The following SUMF1 variants were observed in gnomAD, a reference collection of about 807,000 sequenced individuals.
SUMF1 encodes the protein formylglycine-generating enzyme.
SUMF1 carries 48 observed loss-of-function variants against 47.6 expected under a neutral mutation model. That is an observed-to-expected ratio of 1.01 (90% CI 0.80 to 1.28). The LOEUF is 1.28. Among genes scored for constraint, SUMF1 ranks in the 50% most tolerant of loss-of-function variants. The probability of loss-of-function intolerance (pLI) is 0.00; values close to 1 mark genes in which losing one functional copy is unlikely to be tolerated. For synonymous variants in SUMF1, 230 were observed against 192.1 expected (o/e 1.20, Z -1.63); for missense variants, 571 against 485.4 (o/e 1.18, Z -1.66).
At chr3:4,252,023 C>T (rs999303958) in intron 8 of SUMF1, among the ~76,000 whole-genome samples, 4 of 152,166 alleles carry the variant, frequency 2.6e-5, no homozygotes, top group Non-Finnish European at 2.9e-5. Flanking sequence ...TTGTGCTGGT[C>T]TGAAACCAAA....
rs150006927 is a variant in SUMF1 at position 4,445,159 on chromosome 3, G to C, written c.519+4107C>G. 8.7e-3 allele frequency among the ~76,000 whole-genome samples: 1,328 copies of C among 152,254 alleles called. 22 individuals are homozygous for C. Among genetic ancestry groups the C allele is most frequent in the Middle Eastern group, 0.037 (11 of 294 alleles). ...CCAAAATAAGTGAGTTGTATCAATG[G>C]TCAGCTTTCTAGTTGTGAAACTGGA... is the stretch of plus-strand genomic sequence containing the variant. On this transcript the variant is annotated intron_variant, in intron 3 of 8. Transcript: ENST00000272902.
At chr3:4,348,767 C>T (rs148420763) in intron 8 of SUMF1, among the ~76,000 whole-genome samples, 1,634 of 151,908 alleles carry the variant, frequency 0.011, 35 homozygotes, top group African/African-American at 0.037. Flanking sequence ...CCCAGCTACT[C>T]GGGAGGCTGA....
chr3:4,051,890 G>A (rs923802317), intron 9 of SUMF1, among the ~76,000 whole-genome samples: 1 of 152,044 alleles, frequency 6.6e-6, no homozygotes, highest in African/African-American at 2.4e-5. Flanking sequence ...TCTGAGTAAG[G>A]TCAGTACTGC....
intron 9 of SUMF1, among the ~76,000 whole-genome samples, chr3:4,058,323 A>C (rs1039628396): frequency 1.1e-4 from 17 of 152,210 alleles, no homozygotes; most frequent in African/African-American, 4.1e-4. Flanking sequence ...TCCATTCTAC[A>C]GGGTCATGTA....
intron 8 of SUMF1, among the ~76,000 whole-genome samples, chr3:4,246,781 C>A (rs1482472818): frequency 6.6e-6 from 1 of 152,072 alleles, no homozygotes; most frequent in Non-Finnish European, 1.5e-5. Context: ...CAGCTCTAAC[C>A]AAGTTCCCTT....
rs367772026 is a variant in SUMF1, at chr3:4,071,325, G to A, written c.1015-2580C>T. On this transcript the variant is annotated intron_variant and NMD_transcript_variant, in intron 8 of 12. Coordinates refer to the SUMF1 transcript ENST00000448413. ...ACAGTGGGTGCAGCCCACAGAGGGC[G>A]AGCCAAAGCAGGGTGGGGCATCGCC... 3.1e-3 allele frequency among the ~76,000 whole-genome samples: 475 copies of A among 152,252 alleles called. 4 individuals carry two copies. Among genetic ancestry groups the A allele is most frequent in the African/African-American group, 0.011 (450 of 41,558 alleles).
chr3:4,186,424 G>A (rs1695202405), intron 8 of SUMF1, among the ~76,000 whole-genome samples: 1 of 152,052 alleles, frequency 6.6e-6, no homozygotes. Flanking sequence ...CCATACAGTG[G>A]CTTATCATAA....
At chr3:4,298,194 C>T (rs1228159255) in intron 8 of SUMF1, among the ~76,000 whole-genome samples, 1 of 152,108 alleles carries the variant, frequency 6.6e-6, no homozygotes, top group Admixed American at 6.5e-5. Flanking sequence ...CATTTTTCCC[C>T]ACCATCTAGC....
At chr3:4,190,954 A>G (rs1329821225) in intron 8 of SUMF1, among the ~76,000 whole-genome samples, 2 of 152,198 alleles carry the variant, frequency 1.3e-5, no homozygotes, top group African/African-American at 2.4e-5. Context: ...TGTGCATTCT[A>G]GTGAAGCCAG....
intron 8 of SUMF1, among the ~76,000 whole-genome samples, chr3:4,084,914 G>A (rs1692640162): frequency 6.6e-6 from 1 of 152,010 alleles, no homozygotes; most frequent in African/African-American, 2.4e-5. Flanking sequence ...AACATAACAG[G>A]TCAAGTTTCA....
chr3:4,241,557 A>C (rs930531730), intron 8 of SUMF1, among the ~76,000 whole-genome samples: 2 of 152,150 alleles, frequency 1.3e-5, no homozygotes, highest in African/African-American at 4.8e-5. Context: ...AAATGAGATC[A>C]TATATATGAG....
intron 8 of SUMF1, among the ~76,000 whole-genome samples, chr3:4,140,687 T>C (rs1268503340): frequency 6.6e-6 from 1 of 152,058 alleles, no homozygotes; most frequent in Non-Finnish European, 1.5e-5. Context: ...CACTACTTTA[T>C]GTAGTATATT....
At chr3:4,208,536 G>C (rs1439957637) in intron 8 of SUMF1, among the ~76,000 whole-genome samples, 1 of 150,320 alleles carries the variant, frequency 6.7e-6, no homozygotes, top group East Asian at 2.0e-4. Flanking sequence ...TGGTAGAAAT[G>C]TTAAAATTAT....
intron 8 of SUMF1, among the ~76,000 whole-genome samples, chr3:4,197,524 A>T (rs1445385903): frequency 6.6e-6 from 1 of 152,124 alleles, no homozygotes; most frequent in Non-Finnish European, 1.5e-5. Context: ...GAAGGAATAA[A>T]CTTCTGAGAC....
chr3:4,081,052 G>C (rs1482399624), intron 8 of SUMF1, among the ~76,000 whole-genome samples: 1 of 152,140 alleles, frequency 6.6e-6, no homozygotes, highest in Non-Finnish European at 1.5e-5. Context: ...GTTTAGCCCA[G>C]TGACTGCCCA....
chr3:4,142,026 G>C (rs549742166), intron 8 of SUMF1, among the ~76,000 whole-genome samples: 1 of 152,240 alleles, frequency 6.6e-6, no homozygotes, highest in Admixed American at 6.5e-5. Context: ...GTTTATAACT[G>C]TGTGCATGAA....
At chr3:4,370,571 G>A (rs1433685134) in intron 8 of SUMF1, among the ~76,000 whole-genome samples, 1 of 152,034 alleles carries the variant, frequency 6.6e-6, no homozygotes, top group African/African-American at 2.4e-5. Flanking sequence ...TGAACTGTTG[G>A]GATCTGCCCA....
intron 8 of SUMF1, among the ~76,000 whole-genome samples, chr3:4,188,665 T>C (rs1223103186): frequency 6.6e-6 from 1 of 152,100 alleles, no homozygotes; most frequent in East Asian, 1.9e-4. Context: ...AGGGTCATAT[T>C]TTGGCTCATC....
intron 4 of SUMF1, among the ~76,000 whole-genome samples, chr3:4,418,897 T>C (rs1701804741): frequency 6.6e-6 from 1 of 152,230 alleles, no homozygotes; most frequent in South Asian, 2.1e-4. Context: ...TAGATGGCTT[T>C]GGCTGAATTC....
Sources: allele counts gnomAD v4.1 joint callset (sites outside exome capture counted in the v4.1 genomes callset), GRCh38; gene constraint gnomAD v4.1.1; transcripts MANE v1.5; gene names NCBI Gene and HGNC (gene_info 2026-07-23, HGNC 2026-07-21).